Variants in RASA1 observed in about 807,000 individuals in gnomAD.
The protein encoded by RASA1 is ras GTPase-activating protein 1.
RASA1 carries 25 observed loss-of-function variants against 132.2 expected under a neutral mutation model. The observed-to-expected ratio is 0.19, with a 90% CI of 0.14 to 0.26. The LOEUF (loss-of-function observed/expected upper bound fraction) is 0.26, where lower values mean the gene tolerates loss of function less well. Ranked by LOEUF, RASA1 falls within the 10% of genes least tolerant of loss-of-function variation. RASA1 has a pLI of 1.00. For synonymous variants in RASA1, 477 were observed against 449.9 expected (o/e 1.06, Z -0.76); for missense variants, 964 against 1,299.2 (o/e 0.74, Z 3.97).
Position 87,331,428 on chromosome 5 carries a change from G to A in RASA1, c.620G>A (p.Arg207Lys). Residue 207 changes from arginine to lysine, a missense_variant, in exon 2 of 25, where the codon AGA (arginine) becomes AAA (lysine). By Grantham distance (26) the Arg-to-Lys change is conservative (BLOSUM62 2). Transcript: ENST00000274376. ...QAGKSGSYLI[R>K]ESDRRPGSFV... is the part of the protein sequence containing the mutation. ...GGGAAGTCTGGCAGTTATCTTATAA[G>A]AGAGAGTGATCGGAGGCCAGGGTCC... 6.2e-7 allele frequency: 1 copy of A among 1,613,894 alleles called. No individual in the cohort carries two copies. Among genetic ancestry groups the A allele is most frequent in the Non-Finnish European group, 8.5e-7 (1 of 1,179,830 alleles).
intron 1 of RASA1, among the ~76,000 whole-genome samples, chr5:87,284,629 A>G (rs1025932568): frequency 6.6e-6 from 1 of 152,204 alleles, no homozygotes; most frequent in Non-Finnish European, 1.5e-5. Flanking sequence ...TAGATTTAGT[A>G]GTTCTTTGGA....
chr5:87,308,918 A>G (rs972408846), intron 1 of RASA1, among the ~76,000 whole-genome samples: 1 of 152,198 alleles, frequency 6.6e-6, no homozygotes, highest in African/African-American at 2.4e-5. Context: ...TGTCTGCACA[A>G]TGATGAAATT....
At chr5:87,288,897 T>G (rs1476112064) in intron 1 of RASA1, among the ~76,000 whole-genome samples, 1 of 152,196 alleles carries the variant, frequency 6.6e-6, no homozygotes, top group Non-Finnish European at 1.5e-5. Context: ...GCAGAGATCT[T>G]GTTCTTTTCC....
At chr5:87,302,245 G>A (rs921542617) in intron 1 of RASA1, among the ~76,000 whole-genome samples, 3 of 152,036 alleles carry the variant, frequency 2.0e-5, no homozygotes, top group Non-Finnish European at 4.4e-5. Flanking sequence ...AGGTGGGTTG[G>A]TGGTGTAATA....
intron 1 of RASA1, among the ~76,000 whole-genome samples, chr5:87,286,765 A>G (rs573462353): frequency 5.9e-5 from 9 of 151,524 alleles, no homozygotes; most frequent in Admixed American, 4.6e-4. Flanking sequence ...ACTAAAAGAA[A>G]TAGATTTTAC....
intron 1 of RASA1, among the ~76,000 whole-genome samples, chr5:87,274,317 C>A (rs1339467996): frequency 6.6e-6 from 1 of 152,114 alleles, no homozygotes; most frequent in Non-Finnish European, 1.5e-5. Context: ...AATCATTTTA[C>A]TGTCTCTACA....
chr5:87,376,429 G>A lies in RASA1; in HGVS notation c.2048G>A (p.Gly683Glu), dbSNP rs1326128440. Residue 683 changes from glycine to glutamate, a missense_variant, in exon 16 of 25, where the codon GGG (glycine) becomes GAG (glutamate). This residue lies in a region of RASA1 where 346 missense variants were observed against 520.1 expected (regional missense o/e 0.67). Coordinates refer to ENST00000274376, the MANE Select transcript of RASA1 (RefSeq NM_002890.3). ...TGCCAGTTGAGCCGATTACAGAAAGGGCATGCCACAGATGAATGGTTTCTG... is the reference window on the plus strand; with the variant it reads ...TGCCAGTTGAGCCGATTACAGAAAGAGCATGCCACAGATGAATGGTTTCTG... ...MRCQLSRLQK[G>E]HATDEWFLLS... 1 of 1,613,906 alleles carries A rather than the reference G, an allele frequency of 6.2e-7. No homozygotes were observed. The highest frequency in any genetic ancestry group is 8.5e-7 in the Non-Finnish European group (1 of 1,179,964).
At chr5:87,355,536 C>T (rs1474449169) in intron 9 of RASA1, among the ~76,000 whole-genome samples, 1 of 152,168 alleles carries the variant, frequency 6.6e-6, no homozygotes. Context: ...CAATGCACCT[C>T]TACAATCAAG....
At chr5:87,374,370 ATTTC>A (rs1242987337) in intron 14 of RASA1, 50 bp downstream of exon 14, 1 of 1,533,908 alleles carries the variant, frequency 6.5e-7, no homozygotes, top group East Asian at 2.4e-5. Flanking sequence ...ACCATATTGC[ATTTC>A]TTTCTGTTTT....
intron 1 of RASA1, among the ~76,000 whole-genome samples, chr5:87,295,109 T>G (rs1252484355): frequency 6.6e-6 from 1 of 152,220 alleles, no homozygotes; most frequent in African/African-American, 2.4e-5. Flanking sequence ...TTATCCCTGG[T>G]AACTTTCCAT....
chr5:87,286,342 G>C (rs759069595), intron 1 of RASA1, among the ~76,000 whole-genome samples: 3 of 151,666 alleles, frequency 2.0e-5, no homozygotes, highest in Non-Finnish European at 2.9e-5. Context: ...CTATTAGAGT[G>C]GTCTGTTACT....
At position 87,338,518 on chromosome 5, in the gene RASA1, TA is replaced by T. The variant is rs1561292326; in HGVS notation, c.1017+428del. Among the ~76,000 whole-genome samples the T allele has an allele frequency of 1.7e-4, 17 of 100,610 alleles. 1 individual carries two copies. Among genetic ancestry groups the T allele is most frequent in the East Asian group, 1.6e-3 (5 of 3,180 alleles). The allele number at this position is 100,610 out of a possible 152,430, so 66.0% of individuals were successfully genotyped here. On this transcript the variant is annotated intron_variant, in intron 5 of 24. Transcript: ENST00000274376. The stretch of plus-strand genomic sequence containing the variant: ...AGCTAATTTTATATATATATATATA[TA>T]TATATATATATATAAAATTTTTTTT...
intron 11 of RASA1, among the ~76,000 whole-genome samples, chr5:87,367,099 T>A (rs1760583608): frequency 6.7e-6 from 1 of 149,248 alleles, no homozygotes; most frequent in Non-Finnish European, 1.5e-5. Flanking sequence ...TTATTAACTA[T>A]TTTTTTTAAA....
intron 1 of RASA1, among the ~76,000 whole-genome samples, chr5:87,322,639 C>T (rs2112340431): frequency 6.6e-6 from 1 of 152,270 alleles, no homozygotes; most frequent in South Asian, 2.1e-4. Flanking sequence ...AAGCAGATTC[C>T]AGCACCATGC....
At chr5:87,369,541 T>C (rs1323025268) in intron 11 of RASA1, among the ~76,000 whole-genome samples, 1 of 152,140 alleles carries the variant, frequency 6.6e-6, no homozygotes, top group Non-Finnish European at 1.5e-5. Context: ...TCAATCTGTT[T>C]GTAACTTTAT....
At chr5:87,387,549 TAC>T (rs891840341) in intron 23 of RASA1, among the ~76,000 whole-genome samples, 18 of 152,270 alleles carry the variant, frequency 1.2e-4, no homozygotes, top group Non-Finnish European at 2.5e-4. Flanking sequence ...TCAGTTCATA[TAC>T]AGAGAAACCA....
At chr5:87,287,788 G>A (rs1334261013) in intron 1 of RASA1, among the ~76,000 whole-genome samples, 2,614 of 52,226 alleles carry the variant, frequency 0.05, 800 homozygotes, top group African/African-American at 0.056. Flanking sequence ...ATATGTACAC[G>A]CCATATATAT....
intron 11 of RASA1, among the ~76,000 whole-genome samples, chr5:87,369,583 CTTTAG>C (rs1265670563): frequency 1.3e-5 from 2 of 151,914 alleles, no homozygotes; most frequent in African/African-American, 4.8e-5. Flanking sequence ...ATTGAAATTT[CTTTAG>C]TTTACACTTT....
Position 87,386,879 on chromosome 5 carries a change from G to T in RASA1, c.2901G>T (p.Met967Ile), listed in dbSNP as rs746048475. ...TCATCAAAAGCAACAAACATCGTAT[G>T]ATCATGTTTTTAGATGAACTTGGGG... ...NPFIKSNKHR[M>I]IMFLDELGNV... Residue 967 changes from methionine to isoleucine, a missense_variant, in exon 23 of 25, where the codon ATG becomes ATT. By Grantham distance (10) the Met-to-Ile change is conservative. Around this residue, in one of 6 missense-constraint regions of RASA1, gnomAD observed 107 missense variants for 163.8 expected, o/e 0.65. Coordinates refer to ENST00000274376, the MANE Select transcript of RASA1 (RefSeq NM_002890.3). 1 of 1,612,450 alleles carries T rather than the reference G, an allele frequency of 6.2e-7. No individual in the cohort carries two copies. The highest frequency in any genetic ancestry group is 8.5e-7 in the Non-Finnish European group (1 of 1,179,126).
Sources: gnomAD v4.1 joint callset for allele counts (sites outside exome capture counted in the v4.1 genomes callset) on GRCh38, gnomAD v4.1.1 for gene constraint, gnomAD v4.1.1 regional missense constraint, MANE v1.5 for transcripts, NCBI Gene and HGNC (gene_info 2026-07-23, HGNC 2026-07-21) for gene names.